Variants in TMEM150B observed in about 807,000 individuals in gnomAD.
TMEM150B encodes modulator of macroautophagy TMEM150B.
A neutral mutation model predicts 25.2 loss-of-function variants in TMEM150B; 33 were observed. That is an observed-to-expected ratio of 1.31 (90% CI 0.99 to 1.75). The LOEUF (loss-of-function observed/expected upper bound fraction) is 1.75, where lower values mean the gene tolerates loss of function less well. TMEM150B is among the 40% of genes most tolerant of loss of function. TMEM150B has a pLI of 0.00. For missense variants in TMEM150B, 322 were observed against 306.1 expected (o/e 1.05, Z -0.39); for synonymous variants, 133 against 134.8 (o/e 0.99, Z 0.09).
At chr19:55,322,303 C>A (rs1157231113) in intron 2 of TMEM150B, among the ~76,000 whole-genome samples, 1 of 152,132 alleles carries the variant, frequency 6.6e-6, no homozygotes, top group Non-Finnish European at 1.5e-5. Context: ...GACAGGTAAG[C>A]CTCACATGCT....
chr19:55,316,660 T>C (rs2089010657), intron 7 of TMEM150B, 126 bp downstream of exon 7: 1 of 1,053,236 alleles, frequency 9.5e-7, no homozygotes, highest in Non-Finnish European at 1.3e-6. Flanking sequence ...GACAAAGCCA[T>C]AATCCTGTGC....
downstream of TMEM150B, chr19:55,312,061 T>G: frequency 7.0e-7 from 1 of 1,426,612 alleles, no homozygotes. Flanking sequence ...GGGACCCCTC[T>G]GCCCTGACCC....
At position 55,325,308 on chromosome 19, in the gene TMEM150B, A is replaced by T. The variant is rs570655301; in HGVS notation, c.-190T>A. The T allele has an allele frequency of 5.1e-4, 500 of 985,356 alleles. 1 individual carries two copies. In the African/African-American group the frequency reaches 8.1e-3, roughly 16 times the overall value. 61.0% of individuals were successfully genotyped at this position (985,356 alleles called of 1,614,324 possible). On this transcript the variant is annotated 5_prime_UTR_variant, in exon 1 of 8. Transcript: ENST00000326652. ...AGGTTGGGTGTCTGGAGCCTGAAGG[A>T]TCCTTCCAGAAGCTAGGGCTGCTGG...
At chr19:55,311,538 C>T (rs1006544599), downstream of TMEM150B, among the ~76,000 whole-genome samples, 4 of 152,116 alleles carry the variant, frequency 2.6e-5, no homozygotes, top group African/African-American at 9.7e-5. Flanking sequence ...AGTCGGGGGG[C>T]CCCTCTTGCT....
intron 7 of TMEM150B, among the ~76,000 whole-genome samples, chr19:55,313,464 T>TCA (rs1330223100): frequency 6.6e-6 from 1 of 151,958 alleles, no homozygotes; most frequent in Non-Finnish European, 1.5e-5. Flanking sequence ...TTTTGCAACT[T>TCA]TCTCCTGAAC....
rs1167546340 is a variant in TMEM150B at position 55,312,915 on chromosome 19, A to C, written c.646T>G (p.Trp216Gly). Residue 216 changes from tryptophan to glycine, a missense_variant, in exon 8 of 8, where the codon TGG (tryptophan) becomes GGG (glycine). Trp to Gly is a radical substitution (Grantham distance 184). Transcript: ENST00000326652. ...GCCGGCGGGGGGCTGAGGCTGGGCCACGGCTGAACACACAGGGTGCAGCTC... is the reference window on the plus strand; with the variant it reads ...GCCGGCGGGGGGCTGAGGCTGGGCCCCGGCTGAACACACAGGGTGCAGCTC... ...LESCTLCVQP[W>G]PSLSPPPASP... 1.9e-6 allele frequency: 3 copies of C among 1,608,612 alleles called. No individual in the cohort carries two copies. The African/African-American group carries it at 4.0e-5, about 22-fold the overall frequency.
intron 5 of TMEM150B, 58 bp from the exon 6 acceptor site, chr19:55,320,224 CA>C: frequency 6.3e-7 from 1 of 1,587,734 alleles, no homozygotes. Context: ...TCCTGGGACC[CA>C]GGGAGGGAAG....
At chr19:55,319,949 G>A (rs1386189010) in intron 6 of TMEM150B, 90 bp downstream of exon 6, 2 of 1,570,756 alleles carry the variant, frequency 1.3e-6, no homozygotes, top group Admixed American at 1.9e-5. Context: ...ACCAGCCCCC[G>A]AGACAATAAG....
downstream of TMEM150B, among the ~76,000 whole-genome samples, chr19:55,310,078 C>T (rs1190259677): frequency 6.6e-6 from 1 of 152,184 alleles, no homozygotes; most frequent in Non-Finnish European, 1.5e-5. The surrounding 1 kb of genome is among the most constrained non-coding windows in gnomAD (Gnocchi z 5.0). Context: ...GCTCTGGAGC[C>T]GTGGTTCTCA....
chr19:55,324,124 T>C (rs2123150325), intron 1 of TMEM150B, among the ~76,000 whole-genome samples: 1 of 152,238 alleles, frequency 6.6e-6, no homozygotes, highest in East Asian at 1.9e-4. Context: ...GTGTATTTTA[T>C]GCTCAGTGTA....
Position 55,323,525 on chromosome 19 carries a change from CAG to C in TMEM150B, c.-153-784_-153-783del, listed in dbSNP as rs1454548422. On this transcript the variant is annotated intron_variant, in intron 1 of 7. Transcript: ENST00000326652. ...CCTCTTTCTTTTTTTTTTTTTGAGA[CAG>C]AGTCTCCCTCTGTCACCCAGATTGG... Among the ~76,000 whole-genome samples, 3 of 149,682 alleles carry C rather than the reference CAG, an allele frequency of 2.0e-5. No individual in the cohort carries two copies. The East Asian group carries it at 5.9e-4, about 30-fold the overall frequency.
At position 55,325,253 on chromosome 19, in the gene TMEM150B, G is replaced by C; in HGVS notation, c.-154+19C>G. On this transcript the variant is annotated intron_variant, in intron 1 of 7. Transcript: ENST00000326652. ...AGCCTGCCGAGCTACTTTCAAGTTG[G>C]GAATTAGGCCCCACTCACCGGCCAC... 1 of 985,036 alleles carries C rather than the reference G, an allele frequency of 1.0e-6. No homozygotes were observed. Among genetic ancestry groups the C allele is most frequent in the Non-Finnish European group, 1.2e-6 (1 of 829,688 alleles). The allele number at this position is 985,036 out of a possible 1,614,324, so 61.0% of individuals were successfully genotyped here. A position where few individuals can be genotyped will look rare whatever the true frequency, so the allele number is the denominator to read the frequency against.
At chr19:55,310,135 TCAA>T (rs1354458361), downstream of TMEM150B, among the ~76,000 whole-genome samples, 1 of 152,144 alleles carries the variant, frequency 6.6e-6, no homozygotes, top group Admixed American at 6.5e-5. The surrounding 1 kb of genome is among the most constrained non-coding windows in gnomAD (Gnocchi z 5.0). Flanking sequence ...ATGGCCGCCG[TCAA>T]CAAATGACAC....
chr19:55,324,971 C>T (rs1387490132), intron 1 of TMEM150B: 8 of 750,038 alleles, frequency 1.1e-5, no homozygotes, highest in Admixed American at 6.3e-5. Flanking sequence ...CCTGCTCCTC[C>T]GTCGGCCCTC....
chr19:55,313,422 G>A (rs1028843882), intron 7 of TMEM150B, among the ~76,000 whole-genome samples: 2 of 150,436 alleles, frequency 1.3e-5, no homozygotes, highest in Non-Finnish European at 3.0e-5. Flanking sequence ...TCCTAAATAC[G>A]CCTCCCTCCC....
At chr19:55,312,525 G>A (rs71368841), downstream of TMEM150B, 21 of 135,992 alleles carry the variant, frequency 1.5e-4, no homozygotes, top group East Asian at 1.6e-3. Context: ...CTCTGATTCC[G>A]CCGGCGGCAA....
At chr19:55,309,595 A>C (rs2123004734), downstream of TMEM150B, among the ~76,000 whole-genome samples, 1 of 152,212 alleles carries the variant, frequency 6.6e-6, no homozygotes, top group South Asian at 2.1e-4. Flanking sequence ...GGGGCAAGGG[A>C]ACTCTCTGGG....
At chr19:55,309,582 G>GA (rs2123004654), downstream of TMEM150B, among the ~76,000 whole-genome samples, 1 of 152,316 alleles carries the variant, frequency 6.6e-6, no homozygotes, top group Admixed American at 6.5e-5. Flanking sequence ...TCACATGGCA[G>GA]AAGGGGCAAG....
downstream of TMEM150B, among the ~76,000 whole-genome samples, chr19:55,311,457 C>A (rs1183810402): frequency 6.6e-6 from 1 of 152,140 alleles, no homozygotes; most frequent in Non-Finnish European, 1.5e-5. Flanking sequence ...GAGACCCCCC[C>A]GACTCCACCA....
Sources: gnomAD v4.1 joint callset for allele counts (sites outside exome capture counted in the v4.1 genomes callset) on GRCh38, gnomAD v4.1.1 for gene constraint, Gnocchi (gnomAD v3.1) non-coding constraint, MANE v1.5 for transcripts, NCBI Gene and HGNC (gene_info 2026-07-23, HGNC 2026-07-21) for gene names.